Variants in ELP3 observed in about 807,000 individuals in gnomAD.
ELP3 encodes the protein elongator complex protein 3.
In ELP3, 56 loss-of-function variants were observed where a neutral mutation model predicts 74.9. The ratio of observed to expected loss-of-function variants is 0.75; its 90% CI spans 0.60 to 0.93. The LOEUF is 0.93. ELP3 is among the 40% of genes least tolerant of loss of function. ELP3 has a pLI of 0.00. For synonymous variants in ELP3, 222 were observed against 239.8 expected, an observed-to-expected ratio of 0.93 and a Z score of 0.68; for missense variants, 573 against 686.5, an observed-to-expected ratio of 0.83 and a Z score of 1.85.
intron 4 of ELP3, among the ~76,000 whole-genome samples, chr8:28,107,103 C>A (rs1477066262): frequency 6.6e-6 from 1 of 152,106 alleles, no homozygotes; most frequent in Non-Finnish European, 1.5e-5. Context: ...CAAAAATTAG[C>A]CGAGCGTGGT....
At chr8:28,134,339 A>T (rs1812898593) in intron 9 of ELP3, among the ~76,000 whole-genome samples, 1 of 152,208 alleles carries the variant, frequency 6.6e-6, no homozygotes, top group Non-Finnish European at 1.5e-5. Flanking sequence ...TAGTTCAGTA[A>T]TAACATTGCA....
At chr8:28,162,178 T>C (rs1174481748) in intron 14 of ELP3, 100 bp downstream of exon 14, 1 of 1,237,234 alleles carries the variant, frequency 8.1e-7, no homozygotes, top group Admixed American at 1.9e-5. Flanking sequence ...TGATGGTTAT[T>C]ACGTTCAAAA....
At chr8:28,093,030 AC>A (rs1811101274), upstream of ELP3, 5 of 950,984 alleles carry the variant, frequency 5.3e-6, no homozygotes, top group South Asian at 7.0e-5. Context: ...GCCGCCTGCT[AC>A]CCTGTTAGTT....
At position 28,160,320 on chromosome 8, in the gene ELP3, T is replaced by G; in HGVS notation, c.1349T>G (p.Leu450Arg). 1.2e-6 allele frequency: 2 copies of G among 1,614,180 alleles called. No individual in the cohort carries two copies. The highest frequency in any genetic ancestry group is 1.1e-5 in the South Asian group (1 of 91,078). The change falls in exon 13 of 15, where the codon CTC (leucine) becomes CGC (arginine). Residue 450 changes from leucine to arginine, a missense_variant. Physicochemically the swap from Leu to Arg is moderately radical, Grantham distance 102. Transcript: ENST00000256398. ...EDPDQDILIG[L>R]LRLRKCSEET... ...CCAGATCAAGACATTTTGATTGGCC[T>G]CCTACGATTACGCAAGTGTTCAGAA...
intron 2 of ELP3, among the ~76,000 whole-genome samples, chr8:28,097,600 G>C (rs1811304794): frequency 6.6e-6 from 1 of 152,064 alleles, no homozygotes; most frequent in Non-Finnish European, 1.5e-5. Context: ...GTTTCACCGT[G>C]TTAGCCAGGA....
rs1192123736 is a variant in ELP3 at position 28,190,540 on chromosome 8, C to G, written c.*815C>G. On this transcript the variant is annotated 3_prime_UTR_variant, in exon 15 of 15. Coordinates refer to ENST00000256398, the MANE Select transcript of ELP3 (RefSeq NM_018091.6). Reference sequence around the variant, plus strand: ...AGTCTCAGGTTGTGTGCCCCTAAATCAAGATTTGCTTCCACAGAAGCCATT... The same window carrying G: ...AGTCTCAGGTTGTGTGCCCCTAAATGAAGATTTGCTTCCACAGAAGCCATT... The G allele has an allele frequency of 2.6e-5, 4 of 151,624 alleles. No homozygotes were observed. The highest frequency in any genetic ancestry group is 9.7e-5 in the African/African-American group (4 of 41,228). The allele number at this position is 151,624 out of a possible 1,614,324, so 9.4% of individuals were successfully genotyped here. A position where few individuals can be genotyped will look rare whatever the true frequency, so the allele number is the denominator to read the frequency against.
intron 3 of ELP3, among the ~76,000 whole-genome samples, 173 bp from the exon 4 acceptor site, chr8:28,106,539 CA>C (rs61714722): frequency 1.7e-3 from 187 of 112,652 alleles, no homozygotes; most frequent in Middle Eastern, 5.8e-3. Flanking sequence ...GACTCCGTCT[CA>C]AAAAAAAAAA....
intron 14 of ELP3, among the ~76,000 whole-genome samples, chr8:28,172,372 T>C (rs766470211): frequency 6.6e-6 from 1 of 152,154 alleles, no homozygotes; most frequent in Non-Finnish European, 1.5e-5. Context: ...ACCTCTTTGC[T>C]TAAATTTATT....
rs201607631 is a variant in ELP3 at position 28,143,289 on chromosome 8, TC to T, written c.1100+5405del. Among the ~76,000 whole-genome samples the T allele has an allele frequency of 1.5e-3, 234 of 152,108 alleles. 2 individuals are homozygous for T. In the East Asian group the frequency reaches 0.042, roughly 28 times the overall value. ...CTTTTTTGATCATGTGATTTTATAC[TC>T]CCCCCCAACAGTCTGTAGAATATTA... On this transcript the variant is annotated intron_variant, in intron 10 of 14. Transcript: ENST00000256398.
Position 28,093,166 on chromosome 8 carries a change from T to G in ELP3, c.-49T>G. On this transcript the variant is annotated 5_prime_UTR_variant, in exon 1 of 15. Transcript: ENST00000256398. ...CTGTCAGCTTTCCCCGTGGTCTGAG[T>G]TTGTGGCTGCATTTTTATCTCTGGT... 1.9e-6 allele frequency: 3 copies of G among 1,607,024 alleles called. No homozygotes were observed. Among genetic ancestry groups the G allele is most frequent in the South Asian group, 2.2e-5 (2 of 89,348 alleles).
At position 28,099,965 on chromosome 8, in the gene ELP3, G is replaced by T; in HGVS notation, c.257G>T (p.Gly86Val). The T allele has an allele frequency of 6.2e-7, 1 of 1,614,122 alleles. No homozygotes were observed. ...LKAKPIRTAS[G>V]IAVVAVMCKP... Reference sequence around the variant, plus strand: ...GCGAAACCCATCAGAACTGCTAGTGGGGTGAGTGATTCGACTCATGAGGTA... The same window carrying T: ...GCGAAACCCATCAGAACTGCTAGTGTGGTGAGTGATTCGACTCATGAGGTA... The change falls in exon 3 of 15, where the codon GGG (glycine) becomes GTG (valine). Residue 86 changes from glycine (G) to valine (V), a missense_variant and splice_region_variant. By Grantham distance (109) the Gly-to-Val change is moderately radical (BLOSUM62 -3). Coordinates refer to ENST00000256398, the MANE Select transcript of ELP3 (RefSeq NM_018091.6).
At chr8:28,129,436 GT>G in intron 7 of ELP3, 65 bp from the exon 8 acceptor site, 1 of 1,575,442 alleles carries the variant, frequency 6.3e-7, no homozygotes, top group Non-Finnish European at 8.7e-7. Flanking sequence ...AGAGAAGGCA[GT>G]TTTTTGAGAC....
At chr8:28,122,095 A>G (rs1300404400) in intron 7 of ELP3, among the ~76,000 whole-genome samples, 1 of 152,120 alleles carries the variant, frequency 6.6e-6, no homozygotes, top group East Asian at 1.9e-4. Flanking sequence ...TTATTTGGTA[A>G]TATGGATCAT....
chr8:28,125,088 G>A (rs888817894), intron 7 of ELP3, among the ~76,000 whole-genome samples: 1 of 152,118 alleles, frequency 6.6e-6, no homozygotes, highest in African/African-American at 2.4e-5. Context: ...TTCAAGATAG[G>A]GTAATAGTTA....
Position 28,112,456 on chromosome 8 carries a change from T to C in ELP3, c.463-563T>C, listed in dbSNP as rs1191465336. On this transcript the variant is annotated intron_variant, in intron 6 of 14. Coordinates refer to ENST00000256398, the MANE Select transcript of ELP3 (RefSeq NM_018091.6). ...CTGAATATTTCATTTTTAATCAGAC[T>C]TTCACTTTTTTTTAGAAAGCAGACT... 4 of 152,156 alleles carry C rather than the reference T, an allele frequency of 2.6e-5. 1 individual carries two copies. Among genetic ancestry groups the C allele is most frequent in the Admixed American group, 2.0e-4 (3 of 15,266 alleles). 9.4% of individuals were successfully genotyped at this position (152,156 alleles called of 1,614,324 possible).
intron 9 of ELP3, among the ~76,000 whole-genome samples, chr8:28,134,901 A>G (rs1359987165): frequency 1.4e-5 from 2 of 148,030 alleles, no homozygotes; most frequent in African/African-American, 4.9e-5. Context: ...CCCCAAGTTT[A>G]TGATGATCTT....
chr8:28,133,510 G>A (rs1353113133), intron 9 of ELP3, among the ~76,000 whole-genome samples: 1 of 121,200 alleles, frequency 8.3e-6, no homozygotes, highest in East Asian at 2.5e-4. Context: ...TTGTTTTATT[G>A]TTGTTATTTT....
At chr8:28,160,112 T>G (rs1011382405) in intron 12 of ELP3, 117 bp from the exon 13 acceptor site, 18 of 872,182 alleles carry the variant, frequency 2.1e-5, no homozygotes, top group Admixed American at 2.8e-5. Flanking sequence ...ACATAATTAG[T>G]GATTATTCAT....
intron 5 of ELP3, among the ~76,000 whole-genome samples, chr8:28,108,887 C>G (rs1266150658): frequency 6.6e-6 from 1 of 151,948 alleles, no homozygotes; most frequent in Non-Finnish European, 1.5e-5. Flanking sequence ...TAGCTGTGGT[C>G]GTTAGGAAGG....
Sources: allele counts gnomAD v4.1 joint callset (sites outside exome capture counted in the v4.1 genomes callset), GRCh38; gene constraint gnomAD v4.1.1; transcripts MANE v1.5; gene names NCBI Gene and HGNC (gene_info 2026-07-23, HGNC 2026-07-21).